SLC12A6: variants seen among roughly 807,000 people sequenced by gnomAD.
The protein encoded by SLC12A6 is K-Cl cotransporter 3.
SLC12A6 carries 66 observed loss-of-function variants against 135.3 expected under a neutral mutation model. The ratio of observed to expected loss-of-function variants is 0.49; its 90% CI spans 0.40 to 0.60. The LOEUF (loss-of-function observed/expected upper bound fraction) is 0.60, where lower values mean the gene tolerates loss of function less well. Ranked by LOEUF, SLC12A6 falls within the 20% of genes least tolerant of loss-of-function variation. SLC12A6 has a pLI of 0.00. For synonymous variants in SLC12A6, 513 were observed against 508.8 expected (o/e 1.01, Z -0.11); for missense variants, 1,058 against 1,452.3 (o/e 0.73, Z 4.41).
chr15:34,271,979 G>C (rs1280118616), intron 3 of SLC12A6, among the ~76,000 whole-genome samples: 1 of 150,950 alleles, frequency 6.6e-6, no homozygotes, highest in South Asian at 2.1e-4. Context: ...TTCTTTTTTT[G>C]TTTTTGTTTT....
At chr15:34,300,300 G>C (rs563564046) in intron 2 of SLC12A6, among the ~76,000 whole-genome samples, 1 of 152,300 alleles carries the variant, frequency 6.6e-6, no homozygotes, top group South Asian at 2.1e-4. Flanking sequence ...TTAGCTATAT[G>C]AGAATGGAGG....
chr15:34,229,842 C>T lies in SLC12A6; in HGVS notation c.*4039G>A. ...GTATTTGGGTCTTATTTACATCCTT[C>T]TTTAAGCCCAGTGGCTCCTCAGCAT... On this transcript the variant is annotated 3_prime_UTR_variant, in exon 26 of 26. Coordinates refer to ENST00000354181, the MANE Select transcript of SLC12A6 (RefSeq NM_001365088.1). 6.3e-7 allele frequency: 1 copy of T among 1,586,182 alleles called. No individual in the cohort carries two copies. Among genetic ancestry groups the T allele is most frequent in the Non-Finnish European group, 8.7e-7 (1 of 1,154,628 alleles).
At chr15:34,261,965 G>C (rs542603936) in intron 3 of SLC12A6, among the ~76,000 whole-genome samples, 5 of 152,276 alleles carry the variant, frequency 3.3e-5, no homozygotes, top group African/African-American at 1.2e-4. Flanking sequence ...AGAGAACTTA[G>C]AACTACCATT....
Position 34,292,953 on chromosome 15 carries a change from C to T in SLC12A6, c.272-17564G>A, listed in dbSNP as rs549425733. Among the ~76,000 whole-genome samples, 6 of 152,286 alleles carry T rather than the reference C, an allele frequency of 3.9e-5. No individual in the cohort carries two copies. The East Asian group carries it at 9.7e-4, about 25-fold the overall frequency. ...CCTTGGCTAGGAAAGGGAAATCCCC[C>T]GACCCCTTGTGCTTCCTGGGTGAAG... On this transcript the variant is annotated intron_variant, in intron 2 of 25. Transcript: ENST00000354181.
rs1417022340 is a variant in SLC12A6 at position 34,251,551 on chromosome 15, A to G, written c.1334-494T>C. On this transcript the variant is annotated intron_variant, in intron 10 of 25. Transcript: ENST00000354181. ...CATAACCCACGGCGCCCAGCTAAAC[A>G]TAATGTTCTTTCTTATCTAATTTAA... is the stretch of plus-strand genomic sequence containing the variant. Among the ~76,000 whole-genome samples, 3 of 152,196 alleles carry G rather than the reference A, an allele frequency of 2.0e-5. No individual in the cohort carries two copies. In the East Asian group the frequency reaches 5.8e-4, roughly 29 times the overall value.
At chr15:34,323,061 T>C (rs564891962) in intron 2 of SLC12A6, among the ~76,000 whole-genome samples, 1 of 135,726 alleles carries the variant, frequency 7.4e-6, no homozygotes, top group East Asian at 2.1e-4. Context: ...AAAAATACAA[T>C]GGACACCATT....
intron 2 of SLC12A6, among the ~76,000 whole-genome samples, chr15:34,320,659 GTAATCCC>G (rs1889013344): frequency 2.0e-5 from 3 of 149,196 alleles, no homozygotes; most frequent in Non-Finnish European, 4.4e-5. Context: ...GCTCATGCCT[GTAATCCC>G]AGCACTTTGG....
rs922905202 is a variant in SLC12A6 at position 34,303,965 on chromosome 15, C to T, written c.272-28576G>A. Among the ~76,000 whole-genome samples the T allele has an allele frequency of 3.9e-5, 6 of 152,268 alleles. No individual in the cohort carries two copies. The East Asian group carries it at 1.2e-3, about 29-fold the overall frequency. Reference sequence around the variant, plus strand: ...AATTCACTCAAAGTGTTCAGTGTTTCTTAATATAGTCACACTGTTGTGTAG... The same window carrying T: ...AATTCACTCAAAGTGTTCAGTGTTTTTTAATATAGTCACACTGTTGTGTAG... On this transcript the variant is annotated intron_variant, in intron 2 of 25. Transcript: ENST00000354181.
chr15:34,245,417 G>T lies in SLC12A6; in HGVS notation c.1825-14C>A. 2 of 1,379,432 alleles carry T rather than the reference G, an allele frequency of 1.4e-6. No individual in the cohort carries two copies. The highest frequency in any genetic ancestry group is 2.1e-6 in the Non-Finnish European group (2 of 965,700). 85.4% of individuals were successfully genotyped at this position (1,379,432 alleles called of 1,614,324 possible). A position where few individuals can be genotyped will look rare whatever the true frequency, so the allele number is the denominator to read the frequency against. On this transcript the variant is annotated splice_polypyrimidine_tract_variant and intron_variant, in intron 14 of 25. Transcript: ENST00000354181. ...GTGGCCAAAAACCTGTACACAGAAG[G>T]GAAATATCAGGCACAGGAGTACTGA... is the stretch of plus-strand genomic sequence containing the variant.
In SLC12A6 at chr15:34,235,217, G is replaced by A; in HGVS notation, c.3325C>T (p.Pro1109Ser). ...HEAKLVLLNM[P>S]GPPRNPEGDE... ...CCCTCAGGGTTTCGGGGTGGCCCTG[G>A]CATATTCAATAAAACCAGCTTTGCT... The change falls in exon 25 of 26, where the codon CCA (proline) becomes TCA (serine). Residue 1109 changes from proline (P) to serine (S), a missense_variant. Physicochemically the swap from Pro to Ser is moderately conservative, Grantham distance 74. Coordinates refer to ENST00000354181, the MANE Select transcript of SLC12A6 (RefSeq NM_001365088.1). 1 of 1,613,764 alleles carries A rather than the reference G, an allele frequency of 6.2e-7. No homozygotes were observed.
intron 19 of SLC12A6, among the ~76,000 whole-genome samples, chr15:34,240,202 C>CT (rs1404204749): frequency 7.9e-5 from 12 of 151,924 alleles, no homozygotes; most frequent in Non-Finnish European, 1.8e-4. Flanking sequence ...GTGAAAACAA[C>CT]TTCCTTGTTA....
In SLC12A6 at chr15:34,231,535, G is replaced by A. The variant is rs188296648; in HGVS notation, c.*2346C>T. 1.3e-4 allele frequency: 20 copies of A among 152,022 alleles called. No homozygotes were observed. The highest frequency in any genetic ancestry group is 4.3e-4 in the African/African-American group (18 of 41,454). The allele number at this position is 152,022 out of a possible 1,614,324, so 9.4% of individuals were successfully genotyped here. A position where few individuals can be genotyped will look rare whatever the true frequency, so the allele number is the denominator to read the frequency against. On this transcript the variant is annotated 3_prime_UTR_variant, in exon 26 of 26. Transcript: ENST00000354181. ...CCGCTTTGCCATCCTCAGTGGGCCT[G>A]GAGGTTGAAGCAAGCAAAGGGAACA...
In SLC12A6 at chr15:34,337,601, C is replaced by T. The variant is rs371068707; in HGVS notation, c.-342G>A. On this transcript the variant is annotated 5_prime_UTR_variant, in exon 1 of 26. Transcript: ENST00000354181. ...TTGCCGGAGGCGCGTTCTCCCCTAC[C>T]CCCGCCCCGGCGCAGGTCACCCCCT... The T allele has an allele frequency of 2.0e-5, 3 of 152,494 alleles. No individual in the cohort carries two copies. The highest frequency in any genetic ancestry group is 3.8e-4 in the East Asian group (2 of 5,204). The allele number at this position is 152,494 out of a possible 1,614,324, so 9.4% of individuals were successfully genotyped here. A position where few individuals can be genotyped will look rare whatever the true frequency, so the allele number is the denominator to read the frequency against.
intron 2 of SLC12A6, among the ~76,000 whole-genome samples, chr15:34,283,651 T>G (rs1007307221): frequency 6.6e-6 from 1 of 151,986 alleles, no homozygotes; most frequent in Non-Finnish European, 1.5e-5. Flanking sequence ...GTTTTTTTTT[T>G]AAAGAGGGTA....
intron 13 of SLC12A6, among the ~76,000 whole-genome samples, 157 bp from the exon 14 acceptor site, chr15:34,246,024 C>G (rs981488442): frequency 6.6e-6 from 1 of 152,132 alleles, no homozygotes; most frequent in African/African-American, 2.4e-5. Context: ...ACTCCGCCCC[C>G]CAAGTTCAAG....
At chr15:34,279,291 G>A (rs2140906420) in intron 2 of SLC12A6, among the ~76,000 whole-genome samples, 2 of 151,962 alleles carry the variant, frequency 1.3e-5, no homozygotes, top group Non-Finnish European at 2.9e-5. Flanking sequence ...TCCAGCCTGG[G>A]CGACAGAGCA....
chr15:34,235,431 ATTTTTTT>A lies in SLC12A6; in HGVS notation c.3228-124_3228-118del, dbSNP rs371322623. 460 of 503,424 alleles carry A rather than the reference ATTTTTTT, an allele frequency of 9.1e-4. 3 individuals carry two copies. The African/African-American group carries it at 9.9e-3, about 11-fold the overall frequency. The allele number at this position is 503,424 out of a possible 1,614,324, so 31.2% of individuals were successfully genotyped here. A position where few individuals can be genotyped will look rare whatever the true frequency, so the allele number is the denominator to read the frequency against. On this transcript the variant is annotated intron_variant, in intron 24 of 25. Transcript: ENST00000354181. ...TGACTATGGATAATCTGATAAAATG[ATTTTTTT>A]TTTTTTTTTTTTTGAGAGGGAGTTT...
intron 24 of SLC12A6, among the ~76,000 whole-genome samples, chr15:34,235,799 T>C (rs1376306358): frequency 3.9e-5 from 6 of 152,166 alleles, no homozygotes; most frequent in African/African-American, 9.7e-5. Context: ...GCTTATTTTA[T>C]AGTAAGAACA....
rs145525661 is a variant in SLC12A6, at chr15:34,335,577, T to C, written c.271+833A>G. Among the ~76,000 whole-genome samples, 8 of 152,322 alleles carry C rather than the reference T, an allele frequency of 5.3e-5. No homozygotes were observed. In the East Asian group the frequency reaches 1.5e-3, roughly 29 times the overall value. On this transcript the variant is annotated intron_variant, in intron 2 of 25. Transcript: ENST00000354181. ...AGTACAGGTCTCAAACTTTTAAATT[T>C]CAGAGTCCAAAAAATGTTATGATCT...
Sources: gnomAD v4.1 joint callset for allele counts (sites outside exome capture counted in the v4.1 genomes callset) on GRCh38, gnomAD v4.1.1 for gene constraint, MANE v1.5 for transcripts, NCBI Gene and HGNC (gene_info 2026-07-23, HGNC 2026-07-21) for gene names.